ASCC3: variants seen among roughly 807,000 people sequenced by gnomAD.
ASCC3 encodes the protein ASC-1 complex subunit P200.
ASCC3 carries 158 observed loss-of-function variants against 256.3 expected under a neutral mutation model. That is an observed-to-expected ratio of 0.62 (90% confidence interval 0.54 to 0.70). ASCC3 has a LOEUF of 0.70. ASCC3 is among the 30% of genes least tolerant of loss of function. The probability of loss-of-function intolerance (pLI) is 0.00; values close to 1 mark genes in which losing one functional copy is unlikely to be tolerated. For synonymous variants in ASCC3, 948 were observed against 883.4 expected, an observed-to-expected ratio of 1.07 and a Z score of -1.30; for missense variants, 2,259 against 2,626.0, an observed-to-expected ratio of 0.86 and a Z score of 3.05.
chr6:100,542,815 A>G (rs1775530196), intron 36 of ASCC3, among the ~76,000 whole-genome samples: 1 of 152,132 alleles, frequency 6.6e-6, no homozygotes, highest in Non-Finnish European at 1.5e-5. Context: ...GACATGCTTA[A>G]TGTTAAAGTC....
At position 100,651,628 on chromosome 6, in the gene ASCC3, C is replaced by A; in HGVS notation, c.3007G>T (p.Asp1003Tyr). 1.3e-6 allele frequency: 2 copies of A among 1,579,616 alleles called. No individual in the cohort carries two copies. The highest frequency in any genetic ancestry group is 2.4e-5 in the South Asian group (2 of 84,654). Residue 1003 changes from aspartate (D) to tyrosine (Y), a missense_variant, in exon 19 of 42, where the codon GAT (aspartate) becomes TAT (tyrosine). Physicochemically the swap from Asp to Tyr is radical, Grantham distance 160. Coordinates refer to ENST00000369162, the MANE Select transcript of ASCC3 (RefSeq NM_006828.4). The part of the protein sequence containing the change: ...NTIETFNELF[D>Y]AHKTEGDIFA... ...ATATCACCTTCTGTTTTGTGAGCAT[C>A]AAAGAGTTCATTAAAGGTCTACCAA...
chr6:100,755,984 T>C (rs1781162029), intron 10 of ASCC3, among the ~76,000 whole-genome samples: 1 of 152,006 alleles, frequency 6.6e-6, no homozygotes, highest in Admixed American at 6.6e-5. Flanking sequence ...TATCAAAAAA[T>C]ATATATTTAT....
rs1582628017 is a variant in ASCC3 at position 100,646,874 on chromosome 6, TATGATTTGC to T, written c.3479-114_3479-106del. ...GAGAAGGTGATTTTATTGCTTGTTTTATGATTTGCTATGTAGAATAGCTGACATTCTTGA... is the reference window on the plus strand; with the variant it reads ...GAGAAGGTGATTTTATTGCTTGTTTTTATGTAGAATAGCTGACATTCTTGA... On this transcript the variant is annotated intron_variant, in intron 21 of 41. Coordinates refer to ENST00000369162, the MANE Select transcript of ASCC3 (RefSeq NM_006828.4). 3 of 1,155,922 alleles carry T rather than the reference TATGATTTGC, an allele frequency of 2.6e-6. No homozygotes were observed. In the East Asian group the frequency reaches 7.6e-5, roughly 29 times the overall value. The allele number at this position is 1,155,922 out of a possible 1,614,324, so 71.6% of individuals were successfully genotyped here. A position where few individuals can be genotyped will look rare whatever the true frequency, so the allele number is the denominator to read the frequency against.
At position 100,805,814 on chromosome 6, in the gene ASCC3, T is replaced by C. The variant is rs1221774060; in HGVS notation, c.868A>G (p.Ile290Val). 5.0e-6 allele frequency: 8 copies of C among 1,611,326 alleles called. No individual in the cohort carries two copies. The highest frequency in any genetic ancestry group is 6.8e-6 in the Non-Finnish European group (8 of 1,178,596). ...GAAGAATTAAGAAATCTATCCACAA[T>C]TGTAATTCTGTTCTGGAGGAGTTTC... The part of the protein sequence containing the change: ...IEKLLQNRIT[I>V]VDRFLNSSND... Residue 290 changes from isoleucine to valine, a missense_variant, in exon 5 of 42, where the codon ATT (isoleucine) becomes GTT (valine). Physicochemically the swap from Ile to Val is conservative, Grantham distance 29. Around this residue, in one of 2 missense-constraint regions of ASCC3, gnomAD observed 420 missense variants for 419.3 expected, o/e 1.00. Coordinates refer to ENST00000369162, the MANE Select transcript of ASCC3 (RefSeq NM_006828.4).
At chr6:100,778,933 A>G (rs1782321490) in intron 8 of ASCC3, among the ~76,000 whole-genome samples, 1 of 152,134 alleles carries the variant, frequency 6.6e-6, no homozygotes, top group African/African-American at 2.4e-5. Flanking sequence ...TTTTACTTCA[A>G]CAATTCATAT....
chr6:100,621,673 C>T (rs1007094084), intron 30 of ASCC3, among the ~76,000 whole-genome samples: 6 of 152,036 alleles, frequency 3.9e-5, no homozygotes, highest in African/African-American at 9.7e-5. Flanking sequence ...TGTGGAAGAC[C>T]GTGTGGCAAT....
intron 12 of ASCC3, 96 bp downstream of exon 12, chr6:100,717,979 G>T: frequency 1.7e-6 from 2 of 1,205,426 alleles, no homozygotes; most frequent in Non-Finnish European, 2.4e-6. Context: ...CACCACAAAA[G>T]GCTGAAATGG....
chr6:100,512,800 TTGTC>T lies in ASCC3; in HGVS notation c.6190_6193del (p.Asp2064AsnfsTer20). On this transcript the variant is annotated frameshift_variant, in exon 40 of 42. Coordinates refer to ENST00000369162, the MANE Select transcript of ASCC3 (RefSeq NM_006828.4). LOFTEE classifies it high-confidence loss of function. ...TTTGATCCATTTGTTGTCATCTCGT[TTGTC>T]TGCAGTCAGAGTTGAGACAGAGAGT... is the stretch of plus-strand genomic sequence containing the variant. 6.2e-7 allele frequency: 1 copy of T among 1,614,130 alleles called. No homozygotes were observed. The highest frequency in any genetic ancestry group is 2.2e-5 in the East Asian group (1 of 44,878).
chr6:100,550,769 G>C (rs1051182522), intron 36 of ASCC3, among the ~76,000 whole-genome samples: 2 of 151,894 alleles, frequency 1.3e-5, no homozygotes, highest in African/African-American at 4.8e-5. Flanking sequence ...TGCTAATTCT[G>C]CTAGATTTAT....
chr6:100,655,940 G>C, intron 16 of ASCC3, 122 bp from the exon 17 acceptor site: 1 of 1,151,064 alleles, frequency 8.7e-7, no homozygotes, highest in Non-Finnish European at 1.3e-6. Flanking sequence ...TTTTAAAAAG[G>C]TAGGCATAGT....
chr6:100,528,854 C>G (rs1471841858), intron 37 of ASCC3, among the ~76,000 whole-genome samples: 1 of 152,188 alleles, frequency 6.6e-6, no homozygotes, highest in Non-Finnish European at 1.5e-5. Context: ...TGAATTCAAT[C>G]TATACTAACA....
At chr6:100,553,952 T>TA (rs1254085175) in intron 36 of ASCC3, among the ~76,000 whole-genome samples, 42 of 152,280 alleles carry the variant, frequency 2.8e-4, no homozygotes, top group African/African-American at 1.0e-3. Context: ...CTCACACCCT[T>TA]ATGTCACATA....
chr6:100,700,887 G>A (rs1422075978), intron 13 of ASCC3, among the ~76,000 whole-genome samples: 1 of 152,196 alleles, frequency 6.6e-6, no homozygotes, highest in East Asian at 1.9e-4. Flanking sequence ...CCCTTGTCTG[G>A]ATGAGACTTT....
In ASCC3 at chr6:100,801,306, T is replaced by C. The variant is rs546764695; in HGVS notation, c.923-802A>G. ...GTAATCCAAGTCAATAAACATTTAC[T>C]GTATTGAGGTCCTACTCAGTTCTAG... is the stretch of plus-strand genomic sequence containing the variant. On this transcript the variant is annotated intron_variant, in intron 5 of 41. Coordinates refer to ENST00000369162, the MANE Select transcript of ASCC3 (RefSeq NM_006828.4). Among the ~76,000 whole-genome samples the C allele has an allele frequency of 6.0e-4, 92 of 152,236 alleles. 1 individual carries two copies. Among genetic ancestry groups the C allele is most frequent in the African/African-American group, 2.1e-3 (88 of 41,586 alleles).
At chr6:100,569,445 A>G (rs240774) in intron 36 of ASCC3, among the ~76,000 whole-genome samples, 99,732 of 151,754 alleles carry the variant, frequency 0.66, 34,388 homozygotes, top group African/African-American at 0.87. Flanking sequence ...GCAGTGGCGC[A>G]ATCTTGGCTC....
chr6:100,566,720 C>T (rs1484507749), intron 36 of ASCC3, among the ~76,000 whole-genome samples: 1 of 152,066 alleles, frequency 6.6e-6, no homozygotes, highest in Admixed American at 6.6e-5. Context: ...TCTCCCCACC[C>T]CATCCCTGGG....
chr6:100,720,243 C>A (rs1582753018), intron 11 of ASCC3, among the ~76,000 whole-genome samples: 1 of 151,852 alleles, frequency 6.6e-6, no homozygotes, highest in Admixed American at 6.6e-5. Context: ...TAGATGAAGA[C>A]AGAATTCACT....
At chr6:100,533,324 A>C (rs2398132) in intron 37 of ASCC3, among the ~76,000 whole-genome samples, 63,139 of 151,986 alleles carry the variant, frequency 0.42, 13,667 homozygotes, top group South Asian at 0.62. Context: ...TGTAGCACTG[A>C]AGTTAAGGTT....
chr6:100,628,534 G>A (rs1774368069), intron 27 of ASCC3, among the ~76,000 whole-genome samples: 1 of 152,104 alleles, frequency 6.6e-6, no homozygotes, highest in Non-Finnish European at 1.5e-5. Context: ...GACAGTGAGT[G>A]AATTCTCATG....
Sources: allele counts gnomAD v4.1 joint callset (sites outside exome capture counted in the v4.1 genomes callset), GRCh38; gene constraint gnomAD v4.1.1; regional missense constraint gnomAD v4.1.1; transcripts MANE v1.5; gene names NCBI Gene and HGNC (gene_info 2026-07-23, HGNC 2026-07-21).